The following GCDH variants were observed in gnomAD, a reference collection of about 807,000 sequenced individuals.
GCDH encodes the protein glutaryl-CoA dehydrogenase.
A neutral mutation model predicts 52.8 loss-of-function variants in GCDH; 31 were observed. The ratio of observed to expected loss-of-function variants is 0.59; its 90% CI spans 0.44 to 0.79. The LOEUF is 0.79. Among genes scored for constraint, GCDH ranks in the 30% least tolerant of loss-of-function variants. GCDH has a pLI of 0.00. For missense variants in GCDH, 509 were observed against 595.0 expected (o/e 0.86, Z 1.50); for synonymous variants, 242 against 250.0 (o/e 0.97, Z 0.30).
Position 12,896,250 on chromosome 19 carries a change from G to A in GCDH, c.681G>A (p.Arg227=), listed in dbSNP as rs1970675822. ...PMADLFVVWA[R]CEDGCIRGFL... Reference sequence around the variant, plus strand: ...CCGATCTGTTTGTAGTGTGGGCTCGGTGTGAAGATGGCTGCATTCGGGGCT... The same window carrying A: ...CCGATCTGTTTGTAGTGTGGGCTCGATGTGAAGATGGCTGCATTCGGGGCT... The change falls in exon 8 of 12, where the codon CGG becomes CGA. Residue 227 remains arginine (R), a synonymous_variant. Transcript: ENST00000222214. The surrounding 1 kb of genome is among the most constrained non-coding windows in gnomAD (Gnocchi z 5.5). The A allele has an allele frequency of 1.9e-6, 3 of 1,614,174 alleles. No individual in the cohort carries two copies. The highest frequency in any genetic ancestry group is 1.1e-5 in the South Asian group (1 of 91,078).
chr19:12,895,922 G>A lies in GCDH; in HGVS notation c.506-70G>A, dbSNP rs75039892. ...GGCGTGAGCCACTGCACCCCGCCAC[G>A]AGGATAATTTTTGAGTAAGGGGATG... On this transcript the variant is annotated intron_variant, in intron 6 of 11. Transcript: ENST00000222214. 767 of 1,596,584 alleles carry A rather than the reference G, an allele frequency of 4.8e-4. 6 individuals carry two copies. The East Asian group carries it at 0.013, about 27-fold the overall frequency.
intron 4 of GCDH, 69 bp from the exon 5 acceptor site, chr19:12,892,047 C>G (rs1442090015): frequency 1.4e-5 from 22 of 1,610,474 alleles, no homozygotes; most frequent in Non-Finnish European, 1.8e-5. Context: ...CAAGGCCCCT[C>G]TGTCCTTGGG....
chr19:12,896,684 C>T lies in GCDH; in HGVS notation c.853-226C>T, dbSNP rs1053655657. On this transcript the variant is annotated intron_variant, in intron 8 of 11. Transcript: ENST00000222214. This position sits in a 1 kb window ranked among gnomAD's most constrained non-coding sequence, Gnocchi z 5.5. ...GCATCTTCTGGCATCCGTCAGCCTCCTGGCTCTGAGCATCGAACCCAGATG... is the reference window on the plus strand; with the variant it reads ...GCATCTTCTGGCATCCGTCAGCCTCTTGGCTCTGAGCATCGAACCCAGATG... Among the ~76,000 whole-genome samples, 1 of 152,236 alleles carries T rather than the reference C, an allele frequency of 6.6e-6. No individual in the cohort carries two copies. Among genetic ancestry groups the T allele is most frequent in the Admixed American group, 6.5e-5 (1 of 15,286 alleles).
intron 10 of GCDH, 122 bp from the exon 11 acceptor site, chr19:12,897,581 C>A: frequency 7.0e-7 from 1 of 1,426,396 alleles, no homozygotes; most frequent in Non-Finnish European, 9.9e-7. Flanking sequence ...CTGAGGACAG[C>A]CCCACTGGTC....
At chr19:12,897,156 C>T in intron 9 of GCDH, 143 bp downstream of exon 9, 1 of 1,226,750 alleles carries the variant, frequency 8.2e-7, no homozygotes, top group Non-Finnish European at 1.2e-6. Context: ...TTCTGAGCAG[C>T]TGTGGGCTGA....
In GCDH at chr19:12,891,475, C is replaced by T; in HGVS notation, c.92-12C>T. On this transcript the variant is annotated splice_polypyrimidine_tract_variant and intron_variant, in intron 2 of 11. Coordinates refer to ENST00000222214, the MANE Select transcript of GCDH (RefSeq NM_000159.4). ...GACTTTCCGGGGTGACTTTCCCGTT[C>T]TGTGCTTGCAGAGAAAGGCGGGAGA... 1.9e-6 allele frequency: 3 copies of T among 1,614,220 alleles called. No individual in the cohort carries two copies. Among genetic ancestry groups the T allele is most frequent in the Non-Finnish European group, 2.5e-6 (3 of 1,180,024 alleles).
intron 6 of GCDH, chr19:12,894,775 C>T: frequency 3.7e-6 from 3 of 816,890 alleles, no homozygotes; most frequent in Non-Finnish European, 3.8e-6. Context: ...AACTTTTGGC[C>T]AAGAGAATGA....
In GCDH at chr19:12,896,232, G is replaced by C. The variant is rs1235450890; in HGVS notation, c.663G>C (p.Leu221=). The C allele has an allele frequency of 6.2e-7, 1 of 1,614,106 alleles. No individual in the cohort carries two copies. Residue 221 remains leucine (L), a synonymous_variant, in exon 8 of 12, where the codon CTG becomes CTC. Coordinates refer to ENST00000222214, the MANE Select transcript of GCDH (RefSeq NM_000159.4). This position sits in a 1 kb window ranked among gnomAD's most constrained non-coding sequence, Gnocchi z 5.5. ...TWITNSPMAD[L]FVVWARCEDG... Reference sequence around the variant, plus strand: ...TCACGAACTCGCCTATGGCCGATCTGTTTGTAGTGTGGGCTCGGTGTGAAG... The same window carrying C: ...TCACGAACTCGCCTATGGCCGATCTCTTTGTAGTGTGGGCTCGGTGTGAAG...
At chr19:12,894,168 C>G (rs1599611256) in intron 6 of GCDH, 1 of 1,570,276 alleles carries the variant, frequency 6.4e-7, no homozygotes, top group East Asian at 2.2e-5. Context: ...CCACTGGCTG[C>G]CAGAAACTCA....
chr19:12,891,567 C>T, intron 3 of GCDH, 45 bp downstream of exon 3: 1 of 1,614,038 alleles, frequency 6.2e-7, no homozygotes, highest in Non-Finnish European at 8.5e-7. Flanking sequence ...CCCTGTTCAG[C>T]TGTCTGTCTG....
chr19:12,899,885 T>G lies in GCDH; in HGVS notation c.*344T>G. The G allele has an allele frequency of 2.8e-5, 28 of 1,016,756 alleles. No individual in the cohort carries two copies. Among genetic ancestry groups the G allele is most frequent in the Non-Finnish European group, 3.3e-5 (23 of 687,968 alleles). 63.0% of individuals were successfully genotyped at this position (1,016,756 alleles called of 1,614,324 possible). On this transcript the variant is annotated 3_prime_UTR_variant, in exon 12 of 12. Coordinates refer to ENST00000222214, the MANE Select transcript of GCDH (RefSeq NM_000159.4). ...CTCACACTGAGTTCACAGTGCGCCC[T>G]CCCTCCCTCCCATCTGGGGGTAGTG...
chr19:12,897,095 C>T (rs1970699160), intron 9 of GCDH, 82 bp downstream of exon 9: 3 of 1,230,150 alleles, frequency 2.4e-6, no homozygotes, highest in Non-Finnish European at 3.5e-6. Flanking sequence ...GACTCCCCAG[C>T]CCCCACCCAC....
In GCDH at chr19:12,899,629, A is replaced by C; in HGVS notation, c.*88A>C. 6.2e-7 allele frequency: 1 copy of C among 1,612,820 alleles called. No individual in the cohort carries two copies. Among genetic ancestry groups the C allele is most frequent in the Middle Eastern group, 1.7e-4 (1 of 6,028 alleles). On this transcript the variant is annotated 3_prime_UTR_variant, in exon 12 of 12. Transcript: ENST00000222214. The stretch of plus-strand genomic sequence containing the variant: ...TAGGAGCGCTGTGCTCTGAGCTTAG[A>C]AAGGGAGGTGGCGGATGGAGTGGGA...
intron 6 of GCDH, 83 bp from the exon 7 acceptor site, chr19:12,895,909 T>A: frequency 6.4e-7 from 1 of 1,562,448 alleles, no homozygotes; most frequent in Non-Finnish European, 8.8e-7. Flanking sequence ...CGTGAGCCAC[T>A]GCACCCCGCC....
intron 10 of GCDH, 72 bp from the exon 11 acceptor site, chr19:12,897,631 C>T (rs1376029283): frequency 1.6e-5 from 25 of 1,580,674 alleles, no homozygotes; most frequent in South Asian, 2.2e-5. Context: ...ATCCCCACCC[C>T]GGGCTAGGTT....
In GCDH at chr19:12,899,992, A is replaced by G. The variant is rs1402737118; in HGVS notation, c.*451A>G. On this transcript the variant is annotated 3_prime_UTR_variant, in exon 12 of 12. Transcript: ENST00000222214. Reference sequence around the variant, plus strand: ...TGACCCCAAGGTGTCAGGCCGGTTTACTGGTAACCACCTGAGAAGTAGTTT... The same window carrying G: ...TGACCCCAAGGTGTCAGGCCGGTTTGCTGGTAACCACCTGAGAAGTAGTTT... 1.2e-6 allele frequency: 2 copies of G among 1,612,870 alleles called. No homozygotes were observed. The highest frequency in any genetic ancestry group is 3.3e-5 in the Admixed American group (2 of 59,890).
chr19:12,897,623 C>A (rs1264474958), intron 10 of GCDH, 80 bp from the exon 11 acceptor site: 4 of 1,559,238 alleles, frequency 2.6e-6, no homozygotes, highest in African/African-American at 2.7e-5. Context: ...ATCAGGGAAT[C>A]CCCACCCCGG....
At chr19:12,894,094 C>G (rs1970618535) in intron 6 of GCDH, 2 of 912,392 alleles carry the variant, frequency 2.2e-6, no homozygotes, top group Admixed American at 4.3e-5. Flanking sequence ...GACGTTGGCC[C>G]TCTTCCGTGG....
rs1392763604 is a variant in GCDH at position 12,894,367 on chromosome 19, A to G, written c.505+714A>G. 5 of 763,524 alleles carry G rather than the reference A, an allele frequency of 6.5e-6. No homozygotes were observed. The African/African-American group carries it at 8.5e-5, about 13-fold the overall frequency. The allele number at this position is 763,524 out of a possible 1,614,324, so 47.3% of individuals were successfully genotyped here. ...TGGCCGTGTCCACTTGCTACTGAGTAAGGGGCATTCCTATTACAGACCAAG... is the reference window on the plus strand; with the variant it reads ...TGGCCGTGTCCACTTGCTACTGAGTGAGGGGCATTCCTATTACAGACCAAG... On this transcript the variant is annotated intron_variant, in intron 6 of 11. Coordinates refer to ENST00000222214, the MANE Select transcript of GCDH (RefSeq NM_000159.4).
Sources: gnomAD v4.1 joint callset for allele counts (sites outside exome capture counted in the v4.1 genomes callset) on GRCh38, gnomAD v4.1.1 for gene constraint, Gnocchi (gnomAD v3.1) non-coding constraint, MANE v1.5 for transcripts, NCBI Gene and HGNC (gene_info 2026-07-23, HGNC 2026-07-21) for gene names.